The following MAGI2 variants were observed in gnomAD, a reference collection of about 807,000 sequenced individuals.
MAGI2 encodes membrane associated guanylate kinase, WW and PDZ domain containing 2, also known as membrane-associated guanylate kinase, WW and PDZ domain-containing protein 2.
In MAGI2, 35 loss-of-function variants were observed where a neutral mutation model predicts 133.3. The ratio of observed to expected loss-of-function variants is 0.26; its 90% CI spans 0.20 to 0.35. The LOEUF is 0.35. Among genes scored for constraint, MAGI2 ranks in the 10% least tolerant of loss-of-function variants. The pLI, the probability that MAGI2 is intolerant of heterozygous loss-of-function variation, is 1.00. For synonymous variants in MAGI2, 729 were observed against 710.6 expected, an observed-to-expected ratio of 1.03 and a Z score of -0.41; for missense variants, 1,636 against 1,863.4, an observed-to-expected ratio of 0.88 and a Z score of 2.25.
intron 2 of MAGI2, among the ~76,000 whole-genome samples, chr7:78,989,614 G>A (rs1226184281): frequency 6.6e-6 from 1 of 152,022 alleles, no homozygotes; most frequent in Non-Finnish European, 1.5e-5. Flanking sequence ...ATTCTTAGCA[G>A]CCAGTGCTCC....
chr7:78,263,877 T>C (rs912116232), intron 9 of MAGI2, among the ~76,000 whole-genome samples: 2 of 152,190 alleles, frequency 1.3e-5, no homozygotes, highest in African/African-American at 2.4e-5. Flanking sequence ...TATGCTTCAG[T>C]TGGCCCCAGC....
chr7:78,702,628 T>C (rs1470392506), intron 2 of MAGI2, among the ~76,000 whole-genome samples: 4 of 152,002 alleles, frequency 2.6e-5, no homozygotes, highest in Non-Finnish European at 1.5e-5. Context: ...ATTAAAGCTG[T>C]TAATAAATAT....
intron 1 of MAGI2, among the ~76,000 whole-genome samples, chr7:79,141,109 C>T (rs1316243166): frequency 6.6e-6 from 1 of 152,186 alleles, no homozygotes; most frequent in African/African-American, 2.4e-5. Context: ...CAAATTAAAA[C>T]ACCTTTCTTC....
chr7:78,392,325 G>C (rs1795968029), intron 6 of MAGI2, among the ~76,000 whole-genome samples: 1 of 152,094 alleles, frequency 6.6e-6, no homozygotes, highest in Non-Finnish European at 1.5e-5. Flanking sequence ...TAGAAGTGGG[G>C]GCTGTTAGGG....
chr7:78,766,124 G>A (rs1306578023), intron 2 of MAGI2, among the ~76,000 whole-genome samples: 4 of 152,164 alleles, frequency 2.6e-5, no homozygotes, highest in Non-Finnish European at 5.9e-5. Flanking sequence ...TTGGTTCTCT[G>A]CTACAGACCA....
chr7:79,430,907 T>C (rs1847733845), intron 1 of MAGI2, among the ~76,000 whole-genome samples: 1 of 152,164 alleles, frequency 6.6e-6, no homozygotes, highest in Non-Finnish European at 1.5e-5. Context: ...AAGACCAAAA[T>C]CAATATCAAA....
At chr7:79,266,862 GA>G (rs1474513488) in intron 1 of MAGI2, among the ~76,000 whole-genome samples, 9 of 152,070 alleles carry the variant, frequency 5.9e-5, no homozygotes, top group African/African-American at 1.9e-4. Context: ...GTTCCCTAAA[GA>G]AACTAAAGGA....
At chr7:78,133,147 G>A in intron 17 of MAGI2, 87 bp from the exon 18 acceptor site, 1 of 1,041,930 alleles carries the variant, frequency 9.6e-7, no homozygotes, top group Admixed American at 2.6e-5. Flanking sequence ...CTTTGCCTCT[G>A]CTGATGGCTC....
chr7:79,401,386 A>ACG (rs1845458796), intron 1 of MAGI2, among the ~76,000 whole-genome samples: 1 of 152,202 alleles, frequency 6.6e-6, no homozygotes, highest in Non-Finnish European at 1.5e-5. Context: ...TTCTGGCAAT[A>ACG]TCAGTTTTCA....
intron 1 of MAGI2, among the ~76,000 whole-genome samples, chr7:79,117,058 A>G (rs564042881): frequency 2.0e-5 from 3 of 152,340 alleles, no homozygotes; most frequent in Admixed American, 2.0e-4. Context: ...CTCAAAGCAC[A>G]TTTGCTGAAT....
chr7:78,084,977 C>G (rs146603416), intron 20 of MAGI2, among the ~76,000 whole-genome samples: 1 of 152,112 alleles, frequency 6.6e-6, no homozygotes, highest in Non-Finnish European at 1.5e-5. Context: ...CATTAGATCG[C>G]GATTGAATTA....
chr7:78,398,900 C>T (rs928126884), intron 6 of MAGI2, among the ~76,000 whole-genome samples: 3 of 152,154 alleles, frequency 2.0e-5, no homozygotes, highest in Non-Finnish European at 4.4e-5. Context: ...GTCTTCCTTG[C>T]CCGTTTAATT....
At chr7:79,412,943 A>G (rs1005125398) in intron 1 of MAGI2, 1 of 152,142 alleles carries the variant, frequency 6.6e-6, no homozygotes, top group Non-Finnish European at 1.5e-5. Context: ...CTTTTGAGGG[A>G]GAAAATATCC....
intron 1 of MAGI2, among the ~76,000 whole-genome samples, chr7:79,130,559 C>T (rs1233030148): frequency 6.6e-6 from 1 of 152,138 alleles, no homozygotes; most frequent in African/African-American, 2.4e-5. Flanking sequence ...TGATAATTTG[C>T]CAACATTGAG....
At chr7:78,991,908 C>A (rs1805823485) in intron 2 of MAGI2, among the ~76,000 whole-genome samples, 1 of 151,996 alleles carries the variant, frequency 6.6e-6, no homozygotes, top group African/African-American at 2.4e-5. Flanking sequence ...CAGGGATTGC[C>A]ACAATATTTT....
Position 78,682,875 on chromosome 7 carries a change from C to T in MAGI2, c.419-55636G>A, listed in dbSNP as rs60452204. Among the ~76,000 whole-genome samples the T allele has an allele frequency of 2.7e-3, 407 of 152,144 alleles. 2 individuals are homozygous for T. Among genetic ancestry groups the T allele is most frequent in the African/African-American group, 8.2e-3 (339 of 41,516 alleles). On this transcript the variant is annotated intron_variant, in intron 2 of 21. Coordinates refer to ENST00000354212, the MANE Select transcript of MAGI2 (RefSeq NM_012301.4). ...TATGGGTATTAAAACAAAAGGGAGA[C>T]GATAAAAACAATCCAGATTTTCAAA...
intron 6 of MAGI2, among the ~76,000 whole-genome samples, chr7:78,449,006 G>A (rs1261437143): frequency 6.6e-6 from 1 of 152,048 alleles, no homozygotes; most frequent in African/African-American, 2.4e-5. Context: ...ATCTGATCTG[G>A]CTTAAAAACA....
chr7:78,528,778 C>T (rs1797194000), intron 3 of MAGI2, among the ~76,000 whole-genome samples: 1 of 152,098 alleles, frequency 6.6e-6, no homozygotes, highest in African/African-American at 2.4e-5. Context: ...AACCAAGATG[C>T]AGAAACTCCC....
At chr7:79,344,396 T>C (rs1345940266) in intron 1 of MAGI2, among the ~76,000 whole-genome samples, 1 of 151,938 alleles carries the variant, frequency 6.6e-6, no homozygotes, top group Non-Finnish European at 1.5e-5. Context: ...ACAAAATAAC[T>C]CATAAGATTG....
Sources: allele counts gnomAD v4.1 joint callset (sites outside exome capture counted in the v4.1 genomes callset), GRCh38; gene constraint gnomAD v4.1.1; transcripts MANE v1.5; gene names NCBI Gene and HGNC (gene_info 2026-07-23, HGNC 2026-07-21).